IGF1R: variants seen among roughly 807,000 people sequenced by gnomAD.
IGF1R encodes insulin like growth factor 1 receptor, also known as insulin-like growth factor 1 receptor.
IGF1R carries 44 observed loss-of-function variants against 144.6 expected under a neutral mutation model. The ratio of observed to expected loss-of-function variants is 0.30; its 90% CI spans 0.24 to 0.39. The LOEUF is 0.39. Among genes scored for constraint, IGF1R ranks in the 10% least tolerant of loss-of-function variants. The pLI, the probability that IGF1R is intolerant of heterozygous loss-of-function variation, is 1.00. For missense variants in IGF1R, 1,355 were observed against 1,833.7 expected, an observed-to-expected ratio of 0.74 and a Z score of 4.77; for synonymous variants, 795 against 722.8, an observed-to-expected ratio of 1.10 and a Z score of -1.60.
chr15:98,770,946 C>CAGTCAATAAAA (rs1484440639), intron 2 of IGF1R, among the ~76,000 whole-genome samples: 1 of 152,188 alleles, frequency 6.6e-6, no homozygotes, highest in Non-Finnish European at 1.5e-5. Flanking sequence ...TTTAGATCAA[C>CAGTCAATAAAA]AGTCAATAAA....
rs781343959 is a variant in IGF1R, at chr15:98,916,148, G to C, written c.1996+17G>C. The C allele has an allele frequency of 8.1e-6, 13 of 1,613,772 alleles. No homozygotes were observed. The highest frequency in any genetic ancestry group is 1.0e-5 in the Non-Finnish European group (12 of 1,179,728). On this transcript the variant is annotated intron_variant, in intron 9 of 20. Coordinates refer to ENST00000650285, the MANE Select transcript of IGF1R (RefSeq NM_000875.5). ...GCTCCAAAGGTAAGGGTGCAGCAGC[G>C]GCCTGGACGGAGGGTGTGACCGTTC...
At chr15:98,782,448 CATTT>C (rs2055881906) in intron 2 of IGF1R, among the ~76,000 whole-genome samples, 1 of 152,270 alleles carries the variant, frequency 6.6e-6, no homozygotes, top group South Asian at 2.1e-4. Flanking sequence ...AATACTCTCT[CATTT>C]ATTTATATTA....
intron 6 of IGF1R, among the ~76,000 whole-genome samples, chr15:98,909,973 G>T (rs961967032): frequency 1.3e-5 from 2 of 152,126 alleles, no homozygotes; most frequent in African/African-American, 4.8e-5. Flanking sequence ...ATAAGGGAAG[G>T]GTATTAGAAA....
intron 5 of IGF1R, among the ~76,000 whole-genome samples, chr15:98,901,946 G>A (rs899849494): frequency 2.6e-5 from 4 of 152,220 alleles, no homozygotes; most frequent in African/African-American, 4.8e-5. Context: ...TGTTTTGCAC[G>A]CAGGTATAAA....
At chr15:98,672,703 T>G (rs1277647163) in intron 1 of IGF1R, among the ~76,000 whole-genome samples, 3 of 152,202 alleles carry the variant, frequency 2.0e-5, no homozygotes, top group Non-Finnish European at 4.4e-5. Context: ...CAAAAACCTT[T>G]CCAGCTTTAT....
Position 98,879,697 on chromosome 15 carries a change from T to A in IGF1R, c.641-11628T>A, listed in dbSNP as rs1238508333. Among the ~76,000 whole-genome samples, 12 of 152,314 alleles carry A rather than the reference T, an allele frequency of 7.9e-5. No individual in the cohort carries two copies. The East Asian group carries it at 2.3e-3, about 29-fold the overall frequency. ...TCTCTCCACCAACCTGTGACCAGTG[T>A]ACCTGTGATTTTATCACTGCACATT... On this transcript the variant is annotated intron_variant, in intron 2 of 20. Transcript: ENST00000650285.
At chr15:98,826,421 T>C (rs1208671620) in intron 2 of IGF1R, among the ~76,000 whole-genome samples, 1 of 152,226 alleles carries the variant, frequency 6.6e-6, no homozygotes, top group Non-Finnish European at 1.5e-5. Context: ...ATAATTGTTT[T>C]CCTGAAAGCA....
intron 1 of IGF1R, chr15:98,650,765 G>T (rs2052341406): frequency 2.6e-6 from 1 of 391,452 alleles, no homozygotes; most frequent in Non-Finnish European, 3.5e-6. Flanking sequence ...TGTGGTCGGC[G>T]TCGTGTCGCC....
intron 2 of IGF1R, chr15:98,873,627 G>GT (rs2012902245): frequency 6.6e-6 from 1 of 152,208 alleles, no homozygotes; most frequent in African/African-American, 2.4e-5. Flanking sequence ...AATATAAAGT[G>GT]TTTACACTTC....
rs201029162 is a variant in IGF1R, at chr15:98,905,671, A to G, written c.1248-3014A>G. 1.5e-4 allele frequency among the ~76,000 whole-genome samples: 21 copies of G among 140,722 alleles called. No homozygotes were observed. The East Asian group carries it at 3.5e-3, about 24-fold the overall frequency. 92.3% of individuals were successfully genotyped at this position (140,722 alleles called of 152,430 possible). On this transcript the variant is annotated intron_variant, in intron 5 of 20. Transcript: ENST00000650285. ...AGAGTGAGACCCTGTCTCAAGGGGA[A>G]AAAAAAAAAAAAACCTAATTTTTAA...
chr15:98,850,260 G>GT (rs2011482364), intron 2 of IGF1R, among the ~76,000 whole-genome samples: 2 of 152,230 alleles, frequency 1.3e-5, no homozygotes, highest in Non-Finnish European at 2.9e-5. Context: ...TGAGGGTGGT[G>GT]TTTGAGCGGA....
intron 15 of IGF1R, 151 bp downstream of exon 15, chr15:98,930,456 C>CT (rs1001845287): frequency 0.016 from 7,544 of 463,384 alleles, 3 homozygotes; most frequent in East Asian, 0.053. Context: ...TTCTTTCTTT[C>CT]TTTTTTTTTT....
intron 2 of IGF1R, among the ~76,000 whole-genome samples, chr15:98,768,949 AACAACAACAAC>A: frequency 1.3e-5 from 2 of 151,786 alleles, no homozygotes; most frequent in African/African-American, 4.8e-5. Flanking sequence ...CAACAACAAC[AACAACAACAAC>A]ACCTCACAAC....
chr15:98,731,161 A>G (rs2054488601), intron 2 of IGF1R, among the ~76,000 whole-genome samples: 1 of 152,218 alleles, frequency 6.6e-6, no homozygotes, highest in East Asian at 1.9e-4. Flanking sequence ...CCGTAGTGAT[A>G]ATTCTTCTGG....
At chr15:98,659,090 A>C (rs1033554124) in intron 1 of IGF1R, among the ~76,000 whole-genome samples, 3 of 152,340 alleles carry the variant, frequency 2.0e-5, no homozygotes, top group South Asian at 2.1e-4. Context: ...TTTGGATAGA[A>C]ATATAAGGCT....
At chr15:98,781,492 T>A (rs1165692534) in intron 2 of IGF1R, among the ~76,000 whole-genome samples, 2 of 152,252 alleles carry the variant, frequency 1.3e-5, no homozygotes, top group Non-Finnish European at 2.9e-5. Flanking sequence ...GTGAAGACTC[T>A]GCTTATAGTG....
At chr15:98,812,636 G>A (rs1368399358) in intron 2 of IGF1R, among the ~76,000 whole-genome samples, 3 of 152,092 alleles carry the variant, frequency 2.0e-5, no homozygotes, top group Non-Finnish European at 2.9e-5. Flanking sequence ...GGGATTACAG[G>A]CGTGAACCAC....
chr15:98,703,238 G>A (rs979273278), intron 1 of IGF1R, among the ~76,000 whole-genome samples: 4 of 152,136 alleles, frequency 2.6e-5, no homozygotes, highest in Admixed American at 1.3e-4. Flanking sequence ...CGGTTGCTTT[G>A]AGAAGGGAGA....
At chr15:98,940,442 T>G (rs1023176469) in intron 18 of IGF1R, among the ~76,000 whole-genome samples, 2 of 152,234 alleles carry the variant, frequency 1.3e-5, no homozygotes, top group Non-Finnish European at 2.9e-5. Flanking sequence ...TTGCTCTTGT[T>G]TTCCAAGCTG....
Sources: gnomAD v4.1 joint callset for allele counts (sites outside exome capture counted in the v4.1 genomes callset) on GRCh38, gnomAD v4.1.1 for gene constraint, MANE v1.5 for transcripts, NCBI Gene and HGNC (gene_info 2026-07-23, HGNC 2026-07-21) for gene names.